Variants in RABGAP1L observed in about 807,000 individuals in gnomAD.
The protein encoded by RABGAP1L is RAB GTPase activating protein 1 like.
RABGAP1L carries 63 observed loss-of-function variants against 137.7 expected under a neutral mutation model. The observed-to-expected ratio is 0.46, with a 90% CI of 0.37 to 0.56. The LOEUF is 0.56. RABGAP1L is among the 20% of genes least tolerant of loss of function. The probability of loss-of-function intolerance (pLI) is 0.00; values close to 1 mark genes in which losing one functional copy is unlikely to be tolerated. For missense variants in RABGAP1L, 1,095 were observed against 1,244.0 expected (o/e 0.88, Z 1.80); for synonymous variants, 431 against 433.7 (o/e 0.99, Z 0.08).
chr1:174,481,499 C>T (rs189230501), intron 13 of RABGAP1L, among the ~76,000 whole-genome samples: 1 of 152,248 alleles, frequency 6.6e-6, no homozygotes, highest in East Asian at 1.9e-4. Context: ...GTTCATAGGC[C>T]ATCTTCCCTT....
intron 19 of RABGAP1L, among the ~76,000 whole-genome samples, chr1:174,899,754 T>G (rs1250778226): frequency 6.6e-6 from 1 of 152,204 alleles, no homozygotes; most frequent in African/African-American, 2.4e-5. Context: ...TGAAATAAAA[T>G]TCATTTTGTC....
At chr1:174,668,030 A>G (rs1165418148) in intron 14 of RABGAP1L, among the ~76,000 whole-genome samples, 1 of 152,096 alleles carries the variant, frequency 6.6e-6, no homozygotes, top group Non-Finnish European at 1.5e-5. Flanking sequence ...ACAACCAAAG[A>G]TTTTTTTCCC....
chr1:174,820,278 A>G (rs549097286), intron 19 of RABGAP1L, among the ~76,000 whole-genome samples: 28 of 152,274 alleles, frequency 1.8e-4, no homozygotes, highest in African/African-American at 5.3e-4. Context: ...TGTGCTAATA[A>G]ACTGTATATT....
At chr1:174,227,303 C>G (rs1670267529) in intron 3 of RABGAP1L, among the ~76,000 whole-genome samples, 1 of 151,158 alleles carries the variant, frequency 6.6e-6, no homozygotes, top group Non-Finnish European at 1.5e-5. Context: ...TGAGTTCAAG[C>G]AATTCTCCTG....
At chr1:174,363,577 T>TCA (rs1329282888) in intron 11 of RABGAP1L, among the ~76,000 whole-genome samples, 4 of 152,198 alleles carry the variant, frequency 2.6e-5, no homozygotes, top group Non-Finnish European at 5.9e-5. Context: ...GAACTTTCAG[T>TCA]ACTTTGTTGG....
intron 19 of RABGAP1L, among the ~76,000 whole-genome samples, chr1:174,937,522 GC>G (rs1665049953): frequency 6.7e-6 from 1 of 148,734 alleles, no homozygotes; most frequent in Admixed American, 6.7e-5. Flanking sequence ...CTAACCTCAG[GC>G]GATCCACCTG....
chr1:174,370,133 G>T (rs1571452881), intron 11 of RABGAP1L, among the ~76,000 whole-genome samples: 1 of 152,246 alleles, frequency 6.6e-6, no homozygotes, highest in East Asian at 1.9e-4. Flanking sequence ...TCACAGTGTT[G>T]ATAAAACTTT....
chr1:174,887,048 G>C (rs1336140996), intron 19 of RABGAP1L, among the ~76,000 whole-genome samples: 1 of 151,942 alleles, frequency 6.6e-6, no homozygotes, highest in Non-Finnish European at 1.5e-5. Context: ...CAAGTGATCT[G>C]CCCACCTTGG....
chr1:174,350,584 A>C (rs9425440), intron 11 of RABGAP1L, among the ~76,000 whole-genome samples: 6 of 112,426 alleles, frequency 5.3e-5, no homozygotes, highest in Admixed American at 8.7e-5. Flanking sequence ...GCGGCCGGGC[A>C]GAGACGCTCC....
intron 17 of RABGAP1L, among the ~76,000 whole-genome samples, chr1:174,703,067 A>G (rs1206777806): frequency 1.3e-5 from 2 of 152,148 alleles, no homozygotes; most frequent in African/African-American, 2.4e-5. Context: ...CTTAATATAT[A>G]ATCTAGACAG....
intron 12 of RABGAP1L, among the ~76,000 whole-genome samples, chr1:174,388,989 T>G (rs1373712155): frequency 6.6e-6 from 1 of 151,788 alleles, no homozygotes; most frequent in Non-Finnish European, 1.5e-5. Context: ...ATCCCCCTCA[T>G]CTCTTGCTTT....
intron 1 of RABGAP1L, among the ~76,000 whole-genome samples, chr1:174,184,842 C>A (rs1328118751): frequency 6.6e-6 from 1 of 152,152 alleles, no homozygotes; most frequent in African/African-American, 2.4e-5. Context: ...ACTCATATTC[C>A]CAGACTAAGA....
At chr1:174,531,404 C>T (rs1248621184) in intron 13 of RABGAP1L, among the ~76,000 whole-genome samples, 1 of 151,840 alleles carries the variant, frequency 6.6e-6, no homozygotes, top group African/African-American at 2.4e-5. Context: ...CTAAGATGCA[C>T]AACACTTCAG....
intron 1 of RABGAP1L, among the ~76,000 whole-genome samples, chr1:174,204,876 C>A (rs1177485859): frequency 1.3e-5 from 2 of 152,148 alleles, no homozygotes; most frequent in Non-Finnish European, 2.9e-5. Context: ...TGCTTCTTTG[C>A]CCTTCGCCTT....
chr1:174,697,529 G>A (rs1679354134), intron 15 of RABGAP1L, among the ~76,000 whole-genome samples: 1 of 152,118 alleles, frequency 6.6e-6, no homozygotes, highest in South Asian at 2.1e-4. Flanking sequence ...ATGTTGGCCA[G>A]GCTAGTCTCG....
chr1:174,610,791 T>C, intron 13 of RABGAP1L, among the ~76,000 whole-genome samples: 1 of 152,242 alleles, frequency 6.6e-6, no homozygotes, highest in East Asian at 1.9e-4. Flanking sequence ...TGATTTGCAT[T>C]TCTCTGATGG....
rs1014297813 is a variant in RABGAP1L, at chr1:174,887,614, G to A, written c.2341-69843G>A. 1.3e-4 allele frequency among the ~76,000 whole-genome samples: 4 copies of A among 31,016 alleles called. No individual in the cohort carries two copies. The African/African-American group carries it at 3.6e-3, about 28-fold the overall frequency. The allele number at this position is 31,016 out of a possible 152,430, so 20.3% of individuals were successfully genotyped here. ...TAGCCCAGGGATTTGCAAAAACTTGGGGGGGGGGTCATGGATTCCTTTGGC... is the reference window on the plus strand; with the variant it reads ...TAGCCCAGGGATTTGCAAAAACTTGAGGGGGGGGTCATGGATTCCTTTGGC... On this transcript the variant is annotated intron_variant, in intron 19 of 25. Coordinates refer to ENST00000681986, the MANE Select transcript of RABGAP1L (RefSeq NM_001366446.1).
intron 19 of RABGAP1L, among the ~76,000 whole-genome samples, chr1:174,868,113 A>G (rs1039824733): frequency 2.0e-5 from 3 of 150,290 alleles, no homozygotes. Context: ...CACCACCATG[A>G]CCAGCTAATT....
intron 15 of RABGAP1L, among the ~76,000 whole-genome samples, chr1:174,688,897 A>G (rs1678665472): frequency 6.6e-6 from 1 of 152,142 alleles, no homozygotes. Flanking sequence ...ACTAAATTCT[A>G]TTTTTAGGAT....
Sources: allele counts gnomAD v4.1 joint callset (sites outside exome capture counted in the v4.1 genomes callset), GRCh38; gene constraint gnomAD v4.1.1; transcripts MANE v1.5; gene names NCBI Gene and HGNC (gene_info 2026-07-23, HGNC 2026-07-21).